Variants in KIF16B observed in about 807,000 individuals in gnomAD.
KIF16B encodes kinesin family member 16B.
In KIF16B, 98 loss-of-function variants were observed where a neutral mutation model predicts 156.3. The observed-to-expected ratio is 0.63, with a 90% confidence interval of 0.53 to 0.74. The LOEUF (loss-of-function observed/expected upper bound fraction) is 0.74. Ranked by LOEUF, KIF16B falls within the 30% of genes least tolerant of loss-of-function variation. KIF16B has a pLI of 0.00. For synonymous variants in KIF16B, 564 were observed against 583.7 expected (o/e 0.97, Z 0.49); for missense variants, 1,421 against 1,606.5 (o/e 0.88, Z 1.97).
At chr20:16,302,154 T>G (rs1370675533) in intron 25 of KIF16B, among the ~76,000 whole-genome samples, 3 of 152,242 alleles carry the variant, frequency 2.0e-5, no homozygotes, top group Non-Finnish European at 4.4e-5. Flanking sequence ...TTATTTATTT[T>G]ATGAATCATG....
At chr20:16,451,282 C>G (rs1236344113) in intron 12 of KIF16B, among the ~76,000 whole-genome samples, 1 of 152,004 alleles carries the variant, frequency 6.6e-6, no homozygotes, top group Non-Finnish European at 1.5e-5. Context: ...TACGATGCTG[C>G]TAGACTTGGG....
chr20:16,308,374 ATAAT>A (rs2063570568), intron 25 of KIF16B, among the ~76,000 whole-genome samples: 2 of 152,230 alleles, frequency 1.3e-5, no homozygotes, highest in Admixed American at 6.5e-5. Flanking sequence ...TTAAGAATAA[ATAAT>A]TAGACAGTGG....
At chr20:16,369,100 G>C (rs1365950234) in intron 22 of KIF16B, 8 of 985,760 alleles carry the variant, frequency 8.1e-6, no homozygotes, top group Non-Finnish European at 9.6e-6. Context: ...TCTCTCTTGT[G>C]ATGCTGAGGA....
chr20:16,425,711 G>GGA (rs1159081883), intron 15 of KIF16B, among the ~76,000 whole-genome samples: 4 of 152,102 alleles, frequency 2.6e-5, no homozygotes, highest in Non-Finnish European at 4.4e-5. Flanking sequence ...CGGGACAAAT[G>GGA]GAAATCGTGT....
chr20:16,370,541 C>A (rs1163297518), intron 22 of KIF16B, 45 bp downstream of exon 22: 1 of 1,458,632 alleles, frequency 6.9e-7, no homozygotes, highest in Admixed American at 2.5e-5. Context: ...CATGAGCATG[C>A]CATAATTTAA....
chr20:16,512,888 T>C lies in KIF16B; in HGVS notation c.384A>G (p.Gly128=), dbSNP rs6135775. The change falls in exon 5 of 26, where the codon GGA becomes GGG. Residue 128 remains glycine, a synonymous_variant. Transcript: ENST00000354981. The stretch of plus-strand genomic sequence containing the variant: ...TGGTTTCATTTATCCGACTGAAGAG[T>C]CCTTCACAGATCCGAGGTATTAAGC... ...DSGLIPRICE[G]LFSRINETTR... 0.29 allele frequency: 465,510 copies of C among 1,610,532 alleles called. 69,982 individuals carry two copies. Among genetic ancestry groups the C allele is most frequent in the East Asian group, 0.34 (15,228 of 44,836 alleles).
chr20:16,350,901 G>A (rs925049194), intron 23 of KIF16B, among the ~76,000 whole-genome samples: 1 of 150,568 alleles, frequency 6.6e-6, no homozygotes, highest in Non-Finnish European at 1.5e-5. Context: ...CTGGGGGGGG[G>A]TCTGTGTCAT....
chr20:16,284,657 C>T (rs1601488750), intron 25 of KIF16B, among the ~76,000 whole-genome samples: 1 of 152,216 alleles, frequency 6.6e-6, no homozygotes, highest in South Asian at 2.1e-4. Context: ...AATCACAGTT[C>T]CTCACGAGCT....
At chr20:16,372,359 T>C (rs2064842929) in intron 20 of KIF16B, among the ~76,000 whole-genome samples, 1 of 152,182 alleles carries the variant, frequency 6.6e-6, no homozygotes, top group Non-Finnish European at 1.5e-5. Flanking sequence ...GACCACATCG[T>C]AAAGGTCTCT....
intron 12 of KIF16B, among the ~76,000 whole-genome samples, chr20:16,478,776 T>C (rs561068733): frequency 1.3e-4 from 20 of 152,316 alleles, no homozygotes; most frequent in African/African-American, 4.6e-4. Flanking sequence ...TTGTTGTTAA[T>C]CTCTTACTGT....
At chr20:16,351,770 C>T (rs1423025572) in intron 23 of KIF16B, among the ~76,000 whole-genome samples, 1 of 152,202 alleles carries the variant, frequency 6.6e-6, no homozygotes, top group Non-Finnish European at 1.5e-5. Flanking sequence ...GGAATTGATA[C>T]TCTGACCCAG....
rs184058357 is a variant in KIF16B at position 16,279,244 on chromosome 20, A to T, written c.3796-5833T>A. Among the ~76,000 whole-genome samples, 5 of 152,232 alleles carry T rather than the reference A, an allele frequency of 3.3e-5. No homozygotes were observed. The East Asian group carries it at 9.7e-4, about 29-fold the overall frequency. On this transcript the variant is annotated intron_variant, in intron 25 of 25. Transcript: ENST00000354981. ...GCTTTTCCCATGATATTCTGGGTGG[A>T]CACCTTACAGCCAAAGAGCTAATCA... is the stretch of plus-strand genomic sequence containing the variant.
At chr20:16,319,887 C>T (rs934424236) in intron 24 of KIF16B, among the ~76,000 whole-genome samples, 1 of 152,182 alleles carries the variant, frequency 6.6e-6, no homozygotes, top group Non-Finnish European at 1.5e-5. Flanking sequence ...CTTCACAAGG[C>T]TCGCTCTTAA....
chr20:16,279,129 C>G (rs1385566014), intron 25 of KIF16B, among the ~76,000 whole-genome samples: 1 of 152,148 alleles, frequency 6.6e-6, no homozygotes, highest in Non-Finnish European at 1.5e-5. Flanking sequence ...ATTTCCCTTC[C>G]CAAACAGCAG....
intron 12 of KIF16B, among the ~76,000 whole-genome samples, chr20:16,438,195 C>G (rs2066700089): frequency 6.6e-6 from 1 of 151,870 alleles, no homozygotes; most frequent in African/African-American, 2.4e-5. Flanking sequence ...AGCTCTGAAA[C>G]CCTGAAAGTA....
chr20:16,441,965 A>T (rs187326936), intron 12 of KIF16B, among the ~76,000 whole-genome samples: 15 of 152,290 alleles, frequency 9.8e-5, no homozygotes, highest in African/African-American at 3.6e-4. Context: ...ATATTACATT[A>T]AAAAATCTAC....
At chr20:16,327,644 AT>A (rs1465624646) in intron 24 of KIF16B, among the ~76,000 whole-genome samples, 3 of 152,078 alleles carry the variant, frequency 2.0e-5, no homozygotes, top group Non-Finnish European at 2.9e-5. Context: ...TTCCCAGGTA[AT>A]TTGGATGCTC....
intron 1 of KIF16B, among the ~76,000 whole-genome samples, chr20:16,572,646 C>T (rs1446510704): frequency 6.6e-6 from 1 of 152,266 alleles, no homozygotes; most frequent in Non-Finnish European, 1.5e-5. Context: ...CTCTTCCTCT[C>T]TCTTAATATC....
At chr20:16,521,019 A>G (rs1371172625) in intron 3 of KIF16B, among the ~76,000 whole-genome samples, 4 of 152,156 alleles carry the variant, frequency 2.6e-5, no homozygotes, top group African/African-American at 9.7e-5. Flanking sequence ...AAAGGTCACC[A>G]ACATCAAAGA....
Sources: allele counts gnomAD v4.1 joint callset (sites outside exome capture counted in the v4.1 genomes callset), GRCh38; gene constraint gnomAD v4.1.1; transcripts MANE v1.5; gene names NCBI Gene and HGNC (gene_info 2026-07-23, HGNC 2026-07-21).